ZNF91: variants seen among roughly 807,000 people sequenced by gnomAD.
ZNF91 encodes the protein zinc finger protein 91.
Under a neutral mutation model 12.6 loss-of-function variants are expected in ZNF91, and 7 were observed. The observed-to-expected ratio is 0.55, with a 90% CI of 0.31 to 1.04. The LOEUF (loss-of-function observed/expected upper bound fraction) is 1.04. ZNF91 is among the 50% of genes least tolerant of loss of function. The pLI is 0.05. For synonymous variants in ZNF91, 453 were observed against 462.6 expected, an observed-to-expected ratio of 0.98 and a Z score of 0.27; for missense variants, 1,217 against 1,385.4, an observed-to-expected ratio of 0.88 and a Z score of 1.93.
intron 1 of ZNF91, among the ~76,000 whole-genome samples, chr19:23,381,180 T>C (rs1413087295): frequency 2.0e-5 from 3 of 152,192 alleles, no homozygotes; most frequent in Admixed American, 6.5e-5. Flanking sequence ...TCATAATGTA[T>C]GTAGGATTTT....
chr19:23,354,788 A>C (rs1341660457), downstream of ZNF91, among the ~76,000 whole-genome samples: 2 of 152,224 alleles, frequency 1.3e-5, no homozygotes, highest in Non-Finnish European at 2.9e-5. Context: ...ATACGAGATT[A>C]ATGTACACAA....
downstream of ZNF91, among the ~76,000 whole-genome samples, chr19:23,355,231 C>G (rs990250628): frequency 6.6e-6 from 1 of 152,152 alleles, no homozygotes; most frequent in African/African-American, 2.4e-5. Context: ...CCATGGTCAC[C>G]AAAACAGCAT....
At chr19:23,379,707 G>C (rs961308773) in intron 1 of ZNF91, among the ~76,000 whole-genome samples, 2 of 152,290 alleles carry the variant, frequency 1.3e-5, no homozygotes, top group Admixed American at 6.5e-5. Context: ...CCTGCTTAAG[G>C]TAGACTTTCA....
At chr19:23,353,621 T>TA (rs1245891669), downstream of ZNF91, among the ~76,000 whole-genome samples, 1 of 148,220 alleles carries the variant, frequency 6.7e-6, no homozygotes, top group Non-Finnish European at 1.5e-5. Flanking sequence ...CAGAACTAAA[T>TA]AAAATTCAAA....
intron 1 of ZNF91, among the ~76,000 whole-genome samples, chr19:23,330,963 T>A (rs1377889149): frequency 6.6e-6 from 1 of 152,218 alleles, no homozygotes; most frequent in Non-Finnish European, 1.5e-5. Context: ...GAATCAATAG[T>A]ATGTTCAGAA....
At position 23,359,177 on chromosome 19, in the gene ZNF91, A is replaced by C. The variant is rs1968592601; in HGVS notation, c.*226T>G. 2.0e-6 allele frequency: 1 copy of C among 497,388 alleles called. No individual in the cohort carries two copies. Among genetic ancestry groups the C allele is most frequent in the African/African-American group, 2.0e-5 (1 of 50,644 alleles). 30.8% of individuals were successfully genotyped at this position (497,388 alleles called of 1,614,324 possible). On this transcript the variant is annotated 3_prime_UTR_variant, in exon 4 of 4. Coordinates refer to ENST00000300619, the MANE Select transcript of ZNF91 (RefSeq NM_003430.4). ...GTAAAGGTTGAAGACCGGTTAAAAG[A>C]TTTGCCACATTCTTTATATTTGTAG...
chr19:23,323,977 C>CT (rs1161712952), intron 1 of ZNF91: 1 of 149,784 alleles, frequency 6.7e-6, no homozygotes, highest in African/African-American at 2.5e-5. Context: ...TCATCTCCTC[C>CT]TCCTTCTTCT....
intron 2 of ZNF91, among the ~76,000 whole-genome samples, chr19:23,374,135 G>C (rs1034469947): frequency 1.3e-5 from 2 of 152,076 alleles, no homozygotes; most frequent in African/African-American, 4.8e-5. Context: ...GAAGGACACA[G>C]ATCAGCTCAG....
chr19:23,380,921 G>A (rs1969692419), intron 1 of ZNF91: 1 of 152,142 alleles, frequency 6.6e-6, no homozygotes, highest in Non-Finnish European at 1.5e-5. Context: ...ATATATGTGA[G>A]CCTGCAACAT....
chr19:23,341,731 T>A (rs1419932896), intron 3 of ZNF91, among the ~76,000 whole-genome samples: 2 of 152,114 alleles, frequency 1.3e-5, no homozygotes, highest in Non-Finnish European at 2.9e-5. Context: ...AATAGAGAAG[T>A]AACATCTGTC....
At position 23,360,629 on chromosome 19, in the gene ZNF91, T is replaced by A. The variant is rs754117197; in HGVS notation, c.2350A>T (p.Thr784Ser). The change falls in exon 4 of 4, where the codon ACC (threonine) becomes TCC (serine). Residue 784 changes from threonine to serine, a missense_variant. This residue lies in a region of ZNF91 where 491 missense variants were observed against 489.8 expected (regional missense o/e 1.00). Transcript: ENST00000300619. ...ECGKAFIWSS[T>S]LTRHKRIHTG... is the part of the protein sequence containing the mutation. ...TGTATCCTCTTATGTCTAGTTAGGG[T>A]TGAAGACCATATAAATGCTTTGCCA... 1.2e-6 allele frequency: 2 copies of A among 1,613,654 alleles called. No homozygotes were observed.
At chr19:23,325,010 G>A (rs1599690625) in intron 1 of ZNF91, 5 of 151,884 alleles carry the variant, frequency 3.3e-5, no homozygotes, top group Non-Finnish European at 1.5e-5. Flanking sequence ...ATGCAATAAA[G>A]GAGACAGTGA....
At position 23,357,849 on chromosome 19, in the gene ZNF91, C is replaced by T. The variant is rs1968533003; in HGVS notation, c.*1554G>A. 1 of 152,000 alleles carries T rather than the reference C, an allele frequency of 6.6e-6. No homozygotes were observed. The allele number at this position is 152,000 out of a possible 1,614,324, so 9.4% of individuals were successfully genotyped here. A position where few individuals can be genotyped will look rare whatever the true frequency, so the allele number is the denominator to read the frequency against. On this transcript the variant is annotated 3_prime_UTR_variant, in exon 4 of 4. Coordinates refer to ENST00000300619, the MANE Select transcript of ZNF91 (RefSeq NM_003430.4). ...GAATAAATGCTAGAGGTAATGGAGA[C>T]CGCATTTAGTCTAATGCGATTGTTA...
chr19:23,377,931 C>T (rs183077526), intron 1 of ZNF91, among the ~76,000 whole-genome samples: 207 of 149,066 alleles, frequency 1.4e-3, no homozygotes, highest in African/African-American at 5.1e-3. Flanking sequence ...AAGGATCCAG[C>T]ATTTTTATTT....
intron 1 of ZNF91, among the ~76,000 whole-genome samples, chr19:23,394,510 C>T (rs1445323022): frequency 6.6e-6 from 1 of 152,042 alleles, no homozygotes. Context: ...GTGGGTGGAT[C>T]ACCTAAGGTC....
intron 3 of ZNF91, chr19:23,339,983 G>A (rs1968089204): frequency 6.7e-6 from 1 of 149,668 alleles, no homozygotes; most frequent in South Asian, 2.1e-4. Context: ...TTAAAAATTT[G>A]TGGGAAAAAA....
chr19:23,354,397 A>G (rs1293013775), downstream of ZNF91, among the ~76,000 whole-genome samples: 1 of 152,196 alleles, frequency 6.6e-6, no homozygotes, highest in Non-Finnish European at 1.5e-5. Context: ...GCAGAAAAAA[A>G]AATTGACAAT....
chr19:23,356,988 G>A (rs555557567), downstream of ZNF91, among the ~76,000 whole-genome samples: 27 of 152,288 alleles, frequency 1.8e-4, no homozygotes, highest in African/African-American at 6.5e-4. Context: ...CAGCACTTTG[G>A]GAGGCAGAGA....
At chr19:23,376,834 GA>G (rs909099999) in intron 1 of ZNF91, among the ~76,000 whole-genome samples, 1 of 152,020 alleles carries the variant, frequency 6.6e-6, no homozygotes, top group African/African-American at 2.4e-5. Flanking sequence ...ATGTTTAGCT[GA>G]AAAAAAGCCA....
Sources: allele counts gnomAD v4.1 joint callset (sites outside exome capture counted in the v4.1 genomes callset), GRCh38; gene constraint gnomAD v4.1.1; regional missense constraint gnomAD v4.1.1; transcripts MANE v1.5; gene names NCBI Gene and HGNC (gene_info 2026-07-23, HGNC 2026-07-21).